UST: variants seen among roughly 807,000 people sequenced by gnomAD.
The protein encoded by UST is chondroitin sulfate 2-O-sulfotransferase.
Under a neutral mutation model 45.6 loss-of-function variants are expected in UST, and 21 were observed. The ratio of observed to expected loss-of-function variants is 0.46; its 90% CI spans 0.33 to 0.66. The LOEUF (loss-of-function observed/expected upper bound fraction) is 0.66. Ranked by LOEUF, UST falls within the 30% of genes least tolerant of loss-of-function variation. The pLI, the probability that UST is intolerant of heterozygous loss-of-function variation, is 0.02. For missense variants in UST, 463 were observed against 512.4 expected (o/e 0.90, Z 0.93); for synonymous variants, 215 against 200.6 (o/e 1.07, Z -0.61).
chr6:149,037,786 G>A (rs987323909), intron 7 of UST, among the ~76,000 whole-genome samples: 2 of 152,166 alleles, frequency 1.3e-5, no homozygotes, highest in African/African-American at 4.8e-5. Flanking sequence ...TATTTTTATC[G>A]TCATTTACAA....
rs147982767 is a variant in UST at position 149,009,672 on chromosome 6, C to T, written c.682-9467C>T. Among the ~76,000 whole-genome samples, 284 of 152,144 alleles carry T rather than the reference C, an allele frequency of 1.9e-3. 1 individual carries two copies. Among genetic ancestry groups the T allele is most frequent in the African/African-American group, 6.5e-3 (269 of 41,492 alleles). On this transcript the variant is annotated intron_variant, in intron 5 of 7. Coordinates refer to ENST00000367463, the MANE Select transcript of UST (RefSeq NM_005715.3). Reference sequence around the variant, plus strand: ...TAGAAAACAGCAAAGCAAAAAGTTACTTGAGGAATTACTTCAGCAAAACGA... The same window carrying T: ...TAGAAAACAGCAAAGCAAAAAGTTATTTGAGGAATTACTTCAGCAAAACGA...
chr6:149,043,019 C>CT (rs1361672569), intron 7 of UST, among the ~76,000 whole-genome samples: 3 of 103,386 alleles, frequency 2.9e-5, no homozygotes, highest in Admixed American at 9.0e-5. Flanking sequence ...TTCTTTCTTT[C>CT]TTTTTCTTTC....
intron 1 of UST, among the ~76,000 whole-genome samples, chr6:148,768,590 A>G (rs1030041178): frequency 3.3e-5 from 5 of 151,990 alleles, no homozygotes; most frequent in Non-Finnish European, 5.9e-5. Flanking sequence ...TCACTTTTTC[A>G]TTTACTTTTT....
At chr6:148,864,469 C>T (rs962423242) in intron 1 of UST, among the ~76,000 whole-genome samples, 9 of 152,236 alleles carry the variant, frequency 5.9e-5, no homozygotes, top group African/African-American at 1.2e-4. Flanking sequence ...GGCGATGCCC[C>T]GCCCTGCTTC....
At position 149,057,371 on chromosome 6, in the gene UST, T is replaced by C. The variant is rs191092141; in HGVS notation, c.938-16462T>C. Among the ~76,000 whole-genome samples the C allele has an allele frequency of 5.3e-5, 8 of 152,312 alleles. No homozygotes were observed. The East Asian group carries it at 9.6e-4, about 18-fold the overall frequency. On this transcript the variant is annotated intron_variant, in intron 7 of 7. Coordinates refer to ENST00000367463, the MANE Select transcript of UST (RefSeq NM_005715.3). ...AAAGGCCCTGTGCATTTTGAAACTT[T>C]AGCAAGGTAGGTGATAGATTGATTT... is the stretch of plus-strand genomic sequence containing the variant.
intron 5 of UST, among the ~76,000 whole-genome samples, chr6:148,967,472 T>G (rs1780825743): frequency 6.6e-6 from 1 of 152,244 alleles, no homozygotes; most frequent in South Asian, 2.1e-4. Flanking sequence ...TATTGCCTTT[T>G]TTTAATAGCT....
intron 1 of UST, among the ~76,000 whole-genome samples, chr6:148,753,772 C>T (rs975474039): frequency 6.6e-6 from 1 of 152,128 alleles, no homozygotes; most frequent in Non-Finnish European, 1.5e-5. Context: ...ACAGTGGCTG[C>T]ACCATTTTAC....
chr6:148,803,577 C>G (rs1582822095), intron 1 of UST, among the ~76,000 whole-genome samples: 1 of 152,200 alleles, frequency 6.6e-6, no homozygotes, highest in East Asian at 1.9e-4. Context: ...TATATCAACT[C>G]AGATTTCATG....
intron 5 of UST, among the ~76,000 whole-genome samples, chr6:149,018,689 C>T (rs1174770188): frequency 3.9e-5 from 6 of 152,200 alleles, no homozygotes; most frequent in African/African-American, 1.4e-4. Flanking sequence ...AATTTGCAAA[C>T]TCTTATGAGA....
chr6:148,852,275 G>A (rs1034576197), intron 1 of UST, among the ~76,000 whole-genome samples: 1 of 152,212 alleles, frequency 6.6e-6, no homozygotes, highest in African/African-American at 2.4e-5. Context: ...GACAGTCACT[G>A]TAAATAGACA....
intron 5 of UST, among the ~76,000 whole-genome samples, chr6:148,997,971 C>G (rs991637372): frequency 6.6e-6 from 1 of 152,112 alleles, no homozygotes; most frequent in African/African-American, 2.4e-5. Flanking sequence ...GCTGTTTATA[C>G]CCTGGATAAC....
intron 1 of UST, among the ~76,000 whole-genome samples, chr6:148,865,278 G>A (rs1778403479): frequency 6.6e-6 from 1 of 152,140 alleles, no homozygotes; most frequent in South Asian, 2.1e-4. Context: ...AGCTCAAAAT[G>A]GTCTCTGGAG....
intron 5 of UST, among the ~76,000 whole-genome samples, chr6:149,010,436 G>T (rs1259905847): frequency 2.0e-5 from 3 of 152,122 alleles, no homozygotes; most frequent in Non-Finnish European, 4.4e-5. Context: ...GGATATTTCT[G>T]GGGGAGAGGC....
intron 1 of UST, among the ~76,000 whole-genome samples, chr6:148,802,504 C>T (rs139968263): frequency 1.3e-5 from 2 of 152,296 alleles, no homozygotes; most frequent in East Asian, 3.9e-4. Context: ...TTATCTGCAG[C>T]AACTCAATTC....
chr6:149,006,917 T>C (rs963613753), intron 5 of UST, among the ~76,000 whole-genome samples: 1 of 152,202 alleles, frequency 6.6e-6, no homozygotes, highest in Non-Finnish European at 1.5e-5. Flanking sequence ...TCTTGGTATG[T>C]TATGCTCATT....
At chr6:149,070,767 A>G (rs1776807820) in intron 7 of UST, among the ~76,000 whole-genome samples, 1 of 148,498 alleles carries the variant, frequency 6.7e-6, no homozygotes, top group Non-Finnish European at 1.5e-5. Flanking sequence ...TAGTTATTTT[A>G]TTATTATTAT....
intron 1 of UST, among the ~76,000 whole-genome samples, chr6:148,756,755 C>T (rs970794064): frequency 2.0e-5 from 3 of 152,214 alleles, no homozygotes; most frequent in Non-Finnish European, 2.9e-5. Context: ...TTCAGTGCTT[C>T]GCATCCCTGC....
At chr6:148,871,146 C>CTCTCTCTCTCTCTCT (rs58787669) in intron 1 of UST, among the ~76,000 whole-genome samples, 1 of 134,476 alleles carries the variant, frequency 7.4e-6, no homozygotes, top group Non-Finnish European at 1.6e-5. Context: ...CTCTCTCTCT[C>CTCTCTCTCTCTCTCT]CCTCTCTCCC....
intron 5 of UST, among the ~76,000 whole-genome samples, chr6:148,972,963 GT>G (rs1342830386): frequency 2.0e-5 from 3 of 151,972 alleles, no homozygotes; most frequent in Non-Finnish European, 2.9e-5. Context: ...CAACGTATCC[GT>G]TCCTGACTGT....
Sources: allele counts gnomAD v4.1 joint callset (sites outside exome capture counted in the v4.1 genomes callset), GRCh38; gene constraint gnomAD v4.1.1; transcripts MANE v1.5; gene names NCBI Gene and HGNC (gene_info 2026-07-23, HGNC 2026-07-21).